DENND2A: variants seen among roughly 807,000 people sequenced by gnomAD.
DENND2A encodes the protein DENN domain-containing protein 2A.
A neutral mutation model predicts 105.3 loss-of-function variants in DENND2A; 53 were observed. That is an observed-to-expected ratio of 0.50 (90% CI 0.40 to 0.63). The LOEUF is 0.63. Among genes scored for constraint, DENND2A ranks in the 30% least tolerant of loss-of-function variants. The probability of loss-of-function intolerance (pLI) is 0.00; values close to 1 mark genes in which losing one functional copy is unlikely to be tolerated. For synonymous variants in DENND2A, 522 were observed against 508.4 expected (o/e 1.03, Z -0.36); for missense variants, 1,138 against 1,279.6 (o/e 0.89, Z 1.69).
At chr7:140,564,352 A>G (rs1482928292) in intron 9 of DENND2A, among the ~76,000 whole-genome samples, 6 of 151,998 alleles carry the variant, frequency 3.9e-5, no homozygotes, top group African/African-American at 1.5e-4. Context: ...ACAGAAGGGG[A>G]CTGGTTACAT....
At chr7:140,632,685 C>T (rs923112713) in intron 1 of DENND2A, among the ~76,000 whole-genome samples, 3 of 151,794 alleles carry the variant, frequency 2.0e-5, no homozygotes, top group African/African-American at 7.3e-5. Flanking sequence ...TCACCTGCCT[C>T]AGCCTCCTGA....
intron 19 of DENND2A, 38 bp downstream of exon 19, chr7:140,519,594 A>T: frequency 6.3e-7 from 1 of 1,582,870 alleles, no homozygotes; most frequent in Admixed American, 1.7e-5. Context: ...GACAGCTCAG[A>T]GGCACACAGG....
chr7:140,627,406 G>A (rs574030465), intron 1 of DENND2A, among the ~76,000 whole-genome samples: 15 of 152,050 alleles, frequency 9.9e-5, no homozygotes, highest in Admixed American at 6.6e-4. Flanking sequence ...GTAGAGACGG[G>A]GTTTCACCAT....
intron 14 of DENND2A, among the ~76,000 whole-genome samples, chr7:140,532,169 T>G (rs1298846842): frequency 1.3e-5 from 2 of 152,030 alleles, no homozygotes; most frequent in African/African-American, 4.8e-5. Context: ...GGAGGGAGGC[T>G]GAGGCAGGAG....
rs375884100 is a variant in DENND2A, at chr7:140,565,337, G to A, written c.1779+1749C>T. Reference sequence around the variant, plus strand: ...TGAATCTTTGCATGCTTTTCTGGGGGTGGGGGGAGATGGTTATTTTATGTC... The same window carrying A: ...TGAATCTTTGCATGCTTTTCTGGGGATGGGGGGAGATGGTTATTTTATGTC... On this transcript the variant is annotated intron_variant, in intron 9 of 19. Transcript: ENST00000496613. Among the ~76,000 whole-genome samples, 129 of 152,068 alleles carry A rather than the reference G, an allele frequency of 8.5e-4. 3 individuals carry two copies. In the South Asian group the frequency reaches 0.023, roughly 27 times the overall value.
chr7:140,625,796 T>A (rs1388571657), intron 1 of DENND2A, among the ~76,000 whole-genome samples: 2 of 152,240 alleles, frequency 1.3e-5, no homozygotes, highest in Non-Finnish European at 2.9e-5. Flanking sequence ...AAAGTTGATG[T>A]TCTAACAAAA....
chr7:140,574,943 C>A (rs943692549), intron 5 of DENND2A, among the ~76,000 whole-genome samples: 2 of 152,010 alleles, frequency 1.3e-5, no homozygotes, highest in Admixed American at 1.3e-4. Context: ...TCGCCTGAAC[C>A]CTGGAGGCGG....
intron 1 of DENND2A, among the ~76,000 whole-genome samples, chr7:140,609,245 G>T (rs896811219): frequency 7.2e-5 from 11 of 152,202 alleles, no homozygotes; most frequent in African/African-American, 2.4e-4. Context: ...GGGCATGGTG[G>T]CTCATGCCTA....
rs542113518 is a variant in DENND2A, at chr7:140,564,005, G to A, written c.1779+3081C>T. On this transcript the variant is annotated intron_variant, in intron 9 of 19. Coordinates refer to ENST00000496613, the MANE Select transcript of DENND2A (RefSeq NM_015689.5). ...TGTCTCAAAAATACACACACAGGCA[G>A]GGCATAGTGGCTCATGCCTGTAATC... Among the ~76,000 whole-genome samples the A allele has an allele frequency of 1.2e-4, 18 of 152,082 alleles. No homozygotes were observed. The South Asian group carries it at 3.7e-3, about 32-fold the overall frequency.
In DENND2A at chr7:140,546,905, G is replaced by A; in HGVS notation, c.2072C>T (p.Ser691Phe). Reference protein sequence around the residue: ...LDEVEKRRGISPALVQPLMRS... With the variant: ...LDEVEKRRGIFPALVQPLMRS... Reference sequence around the variant, plus strand: ...CATGAGTGGCTGAACCAGGGCAGGAGAGATGCCTCGTCTTTTTTCCACCTC... The same window carrying A: ...CATGAGTGGCTGAACCAGGGCAGGAAAGATGCCTCGTCTTTTTTCCACCTC... Residue 691 changes from serine to phenylalanine, a missense_variant, in exon 13 of 20, where the codon TCT becomes TTT. By Grantham distance (155) the Ser-to-Phe change is radical (BLOSUM62 -2). This residue lies in a region of DENND2A where 627 missense variants were observed against 779.8 expected (regional missense o/e 0.80). Coordinates refer to ENST00000496613, the MANE Select transcript of DENND2A (RefSeq NM_015689.5). The A allele has an allele frequency of 1.2e-6, 2 of 1,613,914 alleles. No homozygotes were observed. The highest frequency in any genetic ancestry group is 1.7e-6 in the Non-Finnish European group (2 of 1,179,832).
At position 140,571,115 on chromosome 7, in the gene DENND2A, C is replaced by A. The variant is rs539331404; in HGVS notation, c.1447-1377G>T. ...ACTTTTATCTGTATAGGTCAGTAAA[C>A]AAAAATATAGGATGGTAATCAATTT... is the stretch of plus-strand genomic sequence containing the variant. On this transcript the variant is annotated intron_variant, in intron 6 of 19. Transcript: ENST00000496613. 4.6e-5 allele frequency among the ~76,000 whole-genome samples: 7 copies of A among 152,224 alleles called. No individual in the cohort carries two copies. The South Asian group carries it at 1.2e-3, about 27-fold the overall frequency.
chr7:140,576,529 T>C lies in DENND2A; in HGVS notation c.1246-2521A>G, dbSNP rs189250417. The stretch of plus-strand genomic sequence containing the variant: ...TTCTTTATCAACTTATGAGGCCACA[T>C]TTATCCTATCTTAAACTCTCACAGA... On this transcript the variant is annotated intron_variant, in intron 5 of 19. Coordinates refer to ENST00000496613, the MANE Select transcript of DENND2A (RefSeq NM_015689.5). Among the ~76,000 whole-genome samples, 3 of 152,334 alleles carry C rather than the reference T, an allele frequency of 2.0e-5. No homozygotes were observed. In the East Asian group the frequency reaches 5.8e-4, roughly 29 times the overall value.
intron 1 of DENND2A, among the ~76,000 whole-genome samples, chr7:140,628,794 G>A (rs551324781): frequency 3.3e-4 from 50 of 151,958 alleles, no homozygotes; most frequent in Admixed American, 3.2e-3. Context: ...CGCCTGCCTC[G>A]GCCTCCCAAA....
chr7:140,538,377 A>T (rs2130502131), intron 14 of DENND2A, among the ~76,000 whole-genome samples: 1 of 152,282 alleles, frequency 6.6e-6, no homozygotes, highest in South Asian at 2.1e-4. Flanking sequence ...TACAGCTGGA[A>T]ATCAGGAGAA....
At position 140,560,931 on chromosome 7, in the gene DENND2A, GA is replaced by G. The variant is rs201719342; in HGVS notation, c.1780-1115del. Among the ~76,000 whole-genome samples the G allele has an allele frequency of 1.0e-4, 15 of 146,470 alleles. No homozygotes were observed. In the East Asian group the frequency reaches 1.8e-3, roughly 17 times the overall value. On this transcript the variant is annotated intron_variant, in intron 9 of 19. Coordinates refer to ENST00000496613, the MANE Select transcript of DENND2A (RefSeq NM_015689.5). ...CCTGGGCGACAGAACAAGACGCTAA[GA>G]AAAAAAAAAGGACAGGATGAATTAA...
At chr7:140,533,860 C>T (rs550196459) in intron 14 of DENND2A, among the ~76,000 whole-genome samples, 18 of 152,234 alleles carry the variant, frequency 1.2e-4, no homozygotes, top group African/African-American at 4.3e-4. Flanking sequence ...GGAGACAATA[C>T]GGCAACAAGC....
intron 7 of DENND2A, 44 bp from the exon 8 acceptor site, chr7:140,568,857 T>G (rs758919421): frequency 3.1e-6 from 5 of 1,589,376 alleles, no homozygotes; most frequent in Admixed American, 3.3e-5. Flanking sequence ...TGTGAGTTCT[T>G]CTCATGTAGG....
intron 5 of DENND2A, 121 bp downstream of exon 5, chr7:140,585,468 C>T: frequency 7.1e-7 from 1 of 1,400,526 alleles, no homozygotes; most frequent in South Asian, 1.3e-5. Context: ...TGTACAAATC[C>T]AGGAGCCCGG....
chr7:140,635,425 T>C (rs1288104281), intron 1 of DENND2A, among the ~76,000 whole-genome samples: 7 of 152,216 alleles, frequency 4.6e-5, no homozygotes, highest in Non-Finnish European at 7.3e-5. Flanking sequence ...CTGCTTGAAG[T>C]GGTCTGATAA....
Sources: allele counts gnomAD v4.1 joint callset (sites outside exome capture counted in the v4.1 genomes callset), GRCh38; gene constraint gnomAD v4.1.1; regional missense constraint gnomAD v4.1.1; transcripts MANE v1.5; gene names NCBI Gene and HGNC (gene_info 2026-07-23, HGNC 2026-07-21).